The following RYR3 variants were observed in gnomAD, a reference collection of about 807,000 sequenced individuals.
RYR3 encodes brain ryanodine receptor-calcium release channel.
A neutral mutation model predicts 584.3 loss-of-function variants in RYR3; 207 were observed. The observed-to-expected ratio is 0.35, with a 90% CI of 0.32 to 0.40. RYR3 has a LOEUF of 0.40. Among genes scored for constraint, RYR3 ranks in the 10% least tolerant of loss-of-function variants. The pLI, the probability that RYR3 is intolerant of heterozygous loss-of-function variation, is 1.00. For missense variants in RYR3, 5,616 were observed against 6,089.2 expected (o/e 0.92, Z 2.59); for synonymous variants, 2,416 against 2,248.5 (o/e 1.07, Z -2.11).
intron 61 of RYR3, 151 bp downstream of exon 61, chr15:33,768,858 A>C: frequency 1.3e-6 from 1 of 797,878 alleles, no homozygotes; most frequent in East Asian, 2.5e-5. Flanking sequence ...AAGCATGATA[A>C]ATGACCTCTT....
intron 11 of RYR3, among the ~76,000 whole-genome samples, chr15:33,565,441 G>A (rs2057662820): frequency 6.6e-6 from 1 of 152,140 alleles, no homozygotes; most frequent in Admixed American, 6.6e-5. Context: ...AAATGAACAA[G>A]CCGGTATTCT....
At chr15:33,667,791 CG>C (rs2152716733) in intron 36 of RYR3, among the ~76,000 whole-genome samples, 1 of 152,208 alleles carries the variant, frequency 6.6e-6, no homozygotes, top group African/African-American at 2.4e-5. Flanking sequence ...AGGCCCGGCG[CG>C]GTGGCTCATG....
At chr15:33,546,011 T>C (rs2141200263) in intron 8 of RYR3, among the ~76,000 whole-genome samples, 1 of 152,294 alleles carries the variant, frequency 6.6e-6, no homozygotes, top group African/African-American at 2.4e-5. Context: ...CTATTGAAGC[T>C]AAGGCTAAGC....
At chr15:33,365,164 A>G (rs936162113) in intron 1 of RYR3, among the ~76,000 whole-genome samples, 16 of 152,224 alleles carry the variant, frequency 1.1e-4, no homozygotes, top group Admixed American at 9.8e-4. Flanking sequence ...TGGTGCAGAA[A>G]GAGTCACAGC....
intron 38 of RYR3, among the ~76,000 whole-genome samples, chr15:33,693,143 T>C (rs529511888): frequency 6.6e-6 from 1 of 152,326 alleles, no homozygotes; most frequent in East Asian, 1.9e-4. Context: ...TAGAAAAACT[T>C]AAATTGGGTC....
chr15:33,548,566 G>A (rs1050608316), intron 9 of RYR3, among the ~76,000 whole-genome samples: 6 of 152,372 alleles, frequency 3.9e-5, no homozygotes, highest in African/African-American at 1.2e-4. Context: ...GTTGGCTCCA[G>A]TGGACAGTTA....
chr15:33,315,304 G>C (rs558600141), intron 1 of RYR3, among the ~76,000 whole-genome samples: 1 of 152,140 alleles, frequency 6.6e-6, no homozygotes, highest in Non-Finnish European at 1.5e-5. Context: ...TTCTCTCTGC[G>C]GCAGGGCCCA....
intron 93 of RYR3, among the ~76,000 whole-genome samples, chr15:33,846,122 CCTT>C (rs2078709281): frequency 6.6e-6 from 1 of 152,202 alleles, no homozygotes; most frequent in Non-Finnish European, 1.5e-5. Context: ...CAGAGCATCT[CCTT>C]CTCCACGTGG....
chr15:33,659,538 T>A (rs904196495), intron 32 of RYR3, among the ~76,000 whole-genome samples, 182 bp from the exon 33 acceptor site: 16 of 152,194 alleles, frequency 1.1e-4, no homozygotes, highest in Admixed American at 9.2e-4. Context: ...CTGTTTAAGG[T>A]GTGGAATTGT....
At chr15:33,350,356 C>T (rs541511730) in intron 1 of RYR3, among the ~76,000 whole-genome samples, 11 of 152,188 alleles carry the variant, frequency 7.2e-5, no homozygotes, top group African/African-American at 2.6e-4. Context: ...ATCAATGAGA[C>T]AGAAAGTCAA....
At chr15:33,442,049 A>T (rs1567244199) in intron 1 of RYR3, among the ~76,000 whole-genome samples, 1 of 152,228 alleles carries the variant, frequency 6.6e-6, no homozygotes, top group Admixed American at 6.5e-5. Flanking sequence ...TACCTATAAG[A>T]TGAAGCCAGA....
At chr15:33,465,794 AAGT>A (rs1377615000) in intron 1 of RYR3, 1 of 518,772 alleles carries the variant, frequency 1.9e-6, no homozygotes, top group South Asian at 1.4e-5. Flanking sequence ...TATATTTAGA[AAGT>A]AGAATGAGAA....
chr15:33,488,449 C>CTTTTTTTTTTTTTTT (rs72098093), intron 2 of RYR3, among the ~76,000 whole-genome samples: 1 of 127,502 alleles, frequency 7.8e-6, no homozygotes, highest in African/African-American at 2.9e-5. Context: ...ACAGTCTTGC[C>CTTTTTTTTTTTTTTT]TTTTTTTTTT....
At chr15:33,473,238 A>G (rs558899566) in intron 1 of RYR3, 181 bp from the exon 2 acceptor site, 20 of 769,988 alleles carry the variant, frequency 2.6e-5, no homozygotes, top group African/African-American at 2.0e-4. Context: ...GACTCACGGT[A>G]GATGCTCCGT....
intron 5 of RYR3, among the ~76,000 whole-genome samples, chr15:33,537,931 T>G (rs1026892400): frequency 1.3e-5 from 2 of 152,126 alleles, no homozygotes; most frequent in African/African-American, 4.8e-5. Context: ...GTTTTTTGTC[T>G]TCCTTCCTTC....
At chr15:33,802,565 A>C (rs2075976601) in intron 69 of RYR3, among the ~76,000 whole-genome samples, 1 of 152,168 alleles carries the variant, frequency 6.6e-6, no homozygotes, top group African/African-American at 2.4e-5. Flanking sequence ...TATAGAGAGG[A>C]GCATAGCAGG....
chr15:33,826,837 C>G (rs1263428433), intron 84 of RYR3, 85 bp downstream of exon 84: 2 of 921,444 alleles, frequency 2.2e-6, no homozygotes, highest in Non-Finnish European at 3.4e-6. Context: ...TTTGATGCAA[C>G]TAGTTGTTAA....
At chr15:33,714,536 G>C (rs954208089) in intron 43 of RYR3, among the ~76,000 whole-genome samples, 1 of 152,186 alleles carries the variant, frequency 6.6e-6, no homozygotes, top group Admixed American at 6.5e-5. Context: ...GCACAGATGT[G>C]TTTGGGTGTC....
At chr15:33,386,083 T>C (rs1269145265) in intron 1 of RYR3, among the ~76,000 whole-genome samples, 1 of 152,222 alleles carries the variant, frequency 6.6e-6, no homozygotes, top group Non-Finnish European at 1.5e-5. Flanking sequence ...TTTATGGATT[T>C]AAAAGGCTAA....
Sources: allele counts gnomAD v4.1 joint callset (sites outside exome capture counted in the v4.1 genomes callset), GRCh38; gene constraint gnomAD v4.1.1; transcripts MANE v1.5; gene names NCBI Gene and HGNC (gene_info 2026-07-23, HGNC 2026-07-21).